NBAS: variants seen among roughly 807,000 people sequenced by gnomAD.
NBAS encodes the protein NBAS subunit of NRZ tethering complex, also known as NAG/BC035112 fusion.
NBAS carries 219 observed loss-of-function variants against 302.5 expected under a neutral mutation model. The observed-to-expected ratio is 0.72, with a 90% CI of 0.65 to 0.81. The LOEUF is 0.81. Among genes scored for constraint, NBAS ranks in the 30% least tolerant of loss-of-function variants. The pLI, the probability that NBAS is intolerant of heterozygous loss-of-function variation, is 0.00. For synonymous variants in NBAS, 1,118 were observed against 1,021.6 expected (o/e 1.09, Z -1.80); for missense variants, 2,932 against 2,841.6 (o/e 1.03, Z -0.72).
the NBAS span, among the ~76,000 whole-genome samples, chr2:15,059,360 C>CT: frequency 1.9e-3 from 295 of 151,666 alleles, 1 homozygote; most frequent in East Asian, 0.019. Context: ...TGGATTTTTT[C>CT]TTTTTTTTTA....
intron 6 of NBAS, among the ~76,000 whole-genome samples, chr2:15,541,398 C>T (rs968886732): frequency 8.5e-5 from 13 of 152,072 alleles, no homozygotes; most frequent in Admixed American, 2.6e-4. Context: ...TCCAGGACTA[C>T]CAATGAAATG....
the NBAS span, among the ~76,000 whole-genome samples, chr2:14,903,753 G>A: frequency 1.3e-5 from 2 of 152,130 alleles, no homozygotes; most frequent in Non-Finnish European, 2.9e-5. Context: ...GAATCGGGGA[G>A]CAAAAGTCAA....
intron 9 of NBAS, among the ~76,000 whole-genome samples, chr2:15,512,516 G>A (rs1662196717): frequency 6.6e-6 from 1 of 152,152 alleles, no homozygotes; most frequent in Non-Finnish European, 1.5e-5. Context: ...TGGAATTAGG[G>A]TTGCTAATCA....
chr2:15,408,520 T>A (rs1676531589), intron 25 of NBAS, among the ~76,000 whole-genome samples: 2 of 152,226 alleles, frequency 1.3e-5, no homozygotes. Context: ...TATAATTTCC[T>A]TCTTCATGAA....
At chr2:15,043,867 C>T in the NBAS span, among the ~76,000 whole-genome samples, 1 of 152,160 alleles carries the variant, frequency 6.6e-6, no homozygotes, top group Non-Finnish European at 1.5e-5. Flanking sequence ...CACTAGCCTG[C>T]CAGGGCTCCC....
the NBAS span, among the ~76,000 whole-genome samples, chr2:14,922,944 A>G: frequency 1.3e-5 from 2 of 152,120 alleles, no homozygotes; most frequent in Non-Finnish European, 2.9e-5. Flanking sequence ...AGAGGTCAGG[A>G]GATCGAGACC....
chr2:15,386,806 C>A (rs1254113578), intron 28 of NBAS, among the ~76,000 whole-genome samples: 1 of 152,072 alleles, frequency 6.6e-6, no homozygotes, highest in Non-Finnish European at 1.5e-5. Flanking sequence ...GCCAATTTTT[C>A]TTTTCTTTTT....
chr2:15,533,972 T>C (rs1201683150), intron 9 of NBAS, among the ~76,000 whole-genome samples: 1 of 152,150 alleles, frequency 6.6e-6, no homozygotes, highest in African/African-American at 2.4e-5. Flanking sequence ...GGCTATCCTA[T>C]AAAACGTATA....
At chr2:15,547,379 T>G (rs1175019202) in intron 6 of NBAS, among the ~76,000 whole-genome samples, 4 of 152,200 alleles carry the variant, frequency 2.6e-5, no homozygotes, top group African/African-American at 9.7e-5. Flanking sequence ...TACCTCACAT[T>G]ATGTGAAATG....
the NBAS span, among the ~76,000 whole-genome samples, chr2:15,142,887 C>T: frequency 2.6e-5 from 4 of 152,294 alleles, no homozygotes; most frequent in East Asian, 5.8e-4. Context: ...TTAAAAGAAA[C>T]ATCCCTCCGT....
the NBAS span, among the ~76,000 whole-genome samples, chr2:14,808,511 AG>A: frequency 6.6e-6 from 1 of 152,330 alleles, no homozygotes; most frequent in South Asian, 2.1e-4. Context: ...GGTGTTAAAA[AG>A]GGGAGTTTCC....
At chr2:15,517,094 T>C (rs1198972171) in intron 9 of NBAS, among the ~76,000 whole-genome samples, 1 of 152,064 alleles carries the variant, frequency 6.6e-6, no homozygotes, top group Non-Finnish European at 1.5e-5. Context: ...GGTATATTCA[T>C]CTTTTGGCCA....
chr2:14,833,108 T>C, the NBAS span, among the ~76,000 whole-genome samples: 1 of 152,206 alleles, frequency 6.6e-6, no homozygotes, highest in South Asian at 2.1e-4. Flanking sequence ...TTTAAGACTG[T>C]AGGAACTTCA....
the NBAS span, among the ~76,000 whole-genome samples, chr2:14,912,704 A>AAAAAAG: frequency 3.2e-5 from 1 of 31,572 alleles, no homozygotes; most frequent in African/African-American, 2.3e-4. Context: ...ATTCATTTTT[A>AAAAAAG]AAAAAAAAAA....
intron 48 of NBAS, among the ~76,000 whole-genome samples, chr2:15,214,728 T>C (rs1666575946): frequency 6.6e-6 from 1 of 152,224 alleles, no homozygotes. Context: ...TGGACTTTTG[T>C]GGCTGTTCTC....
At chr2:15,549,174 C>G (rs968895992) in intron 6 of NBAS, among the ~76,000 whole-genome samples, 2 of 152,008 alleles carry the variant, frequency 1.3e-5, no homozygotes, top group African/African-American at 4.8e-5. Flanking sequence ...GCCCATTTTA[C>G]AGATAATGAA....
the NBAS span, among the ~76,000 whole-genome samples, chr2:14,887,732 G>A: frequency 8.0e-3 from 1,214 of 152,184 alleles, 15 homozygotes; most frequent in Middle Eastern, 0.041. Flanking sequence ...CACAGCCCCC[G>A]GTTCCTCATG....
At chr2:15,551,423 C>T (rs547821239) in intron 6 of NBAS, 70 bp downstream of exon 6, 2 of 1,046,124 alleles carry the variant, frequency 1.9e-6, no homozygotes, top group Admixed American at 4.3e-5. Flanking sequence ...TCTATTCTAA[C>T]TTTTAAGAAA....
chr2:15,358,346 C>T (rs1232355737), intron 32 of NBAS, among the ~76,000 whole-genome samples: 1 of 152,012 alleles, frequency 6.6e-6, no homozygotes, highest in African/African-American at 2.4e-5. Flanking sequence ...GAGCCCAAAC[C>T]CTAAAATAAA....
Sources: allele counts gnomAD v4.1 joint callset (sites outside exome capture counted in the v4.1 genomes callset), GRCh38; gene constraint gnomAD v4.1.1; transcripts MANE v1.5; gene names NCBI Gene and HGNC (gene_info 2026-07-23, HGNC 2026-07-21).